TRAK1: variants seen among roughly 807,000 people sequenced by gnomAD.
TRAK1 encodes the protein trafficking kinesin-binding protein 1.
Under a neutral mutation model 92.1 loss-of-function variants are expected in TRAK1, and 33 were observed. The ratio of observed to expected loss-of-function variants is 0.36; its 90% CI spans 0.27 to 0.48. The LOEUF (loss-of-function observed/expected upper bound fraction) is 0.48, where lower values mean the gene tolerates loss of function less well. TRAK1 is among the 20% of genes least tolerant of loss of function. The pLI, the probability that TRAK1 is intolerant of heterozygous loss-of-function variation, is 0.99. For synonymous variants in TRAK1, 521 were observed against 517.3 expected, an observed-to-expected ratio of 1.01 and a Z score of -0.10; for missense variants, 1,123 against 1,257.9, an observed-to-expected ratio of 0.89 and a Z score of 1.62.
chr3:42,205,388 A>G (rs73831719), intron 13 of TRAK1, among the ~76,000 whole-genome samples: 9,644 of 152,196 alleles, frequency 0.063, 318 homozygotes, highest in Non-Finnish European at 0.079. Context: ...CAGATAGCCA[A>G]TCAGTGTTTT....
At position 42,202,569 on chromosome 3, in the gene TRAK1, G is replaced by C. The variant is rs758391101; in HGVS notation, c.1561G>C (p.Glu521Gln). The change falls in exon 13 of 16, where the codon GAG (glutamate) becomes CAG (glutamine). Residue 521 changes from glutamate (E) to glutamine (Q), a missense_variant. Physicochemically the swap from Glu to Gln is conservative, Grantham distance 29. Transcript: ENST00000327628. This position sits in a 1 kb window ranked among gnomAD's most constrained non-coding sequence, Gnocchi z 6.1. ...GAGGAGGTTCTTTGAGGAGGAGCAA[G>C]AGAGGAAGCTCCAGGAGCTGGCGGA... ...SERRFFEEEQ[E>Q]RKLQELAEKG... The C allele has an allele frequency of 1.3e-6, 2 of 1,587,092 alleles. No homozygotes were observed. Among genetic ancestry groups the C allele is most frequent in the South Asian group, 1.1e-5 (1 of 88,858 alleles).
At position 42,174,737 on chromosome 3, in the gene TRAK1, T is replaced by A. The variant is rs923672269; in HGVS notation, c.287-2077T>A. ...ATAAAATTTTATATATATACAAAAA[T>A]TTTTTTTTTAGTGGAGACAGGGTTT... On this transcript the variant is annotated intron_variant, in intron 2 of 15. Coordinates refer to ENST00000327628, the MANE Select transcript of TRAK1 (RefSeq NM_001042646.3). 6.9e-5 allele frequency among the ~76,000 whole-genome samples: 10 copies of A among 145,502 alleles called. No individual in the cohort carries two copies. In the East Asian group the frequency reaches 1.6e-3, roughly 23 times the overall value.
At chr3:42,077,707 G>A (rs933020479) in intron 1 of TRAK1, among the ~76,000 whole-genome samples, 2 of 152,100 alleles carry the variant, frequency 1.3e-5, no homozygotes, top group Non-Finnish European at 2.9e-5. Flanking sequence ...TCTTTTTGTG[G>A]CTATTGTGAA....
Position 42,211,369 on chromosome 3 carries a change from A to AT in TRAK1, c.1963+1392dup, listed in dbSNP as rs1051800607. The AT allele has an allele frequency of 2.7e-5, 27 of 985,042 alleles. No individual in the cohort carries two copies. In the East Asian group the frequency reaches 3.4e-4, roughly 12 times the overall value. 61.0% of individuals were successfully genotyped at this position (985,042 alleles called of 1,614,324 possible). A position where few individuals can be genotyped will look rare whatever the true frequency, so the allele number is the denominator to read the frequency against. ...AGCACATAGGTTTATTTATGGTTTG[A>AT]TTTTTTTTAGGCAGTTATATTACTA... On this transcript the variant is annotated intron_variant, in intron 14 of 15. Transcript: ENST00000327628.
intron 3 of TRAK1, among the ~76,000 whole-genome samples, chr3:42,178,670 C>G (rs1703551405): frequency 6.6e-6 from 1 of 152,038 alleles, no homozygotes; most frequent in South Asian, 2.1e-4. Context: ...ATATTAAACT[C>G]TGAGGCTCAA....
At position 42,223,971 on chromosome 3, in the gene TRAK1, G is replaced by T. The variant is rs969595925; in HGVS notation, c.*234G>T. ...CCTGCTCTTTCTTCCGATCCCACAG[G>T]AAGTGCCCCTGCACTGTCATCACTC... On this transcript the variant is annotated 3_prime_UTR_variant, in exon 16 of 16. Coordinates refer to ENST00000327628, the MANE Select transcript of TRAK1 (RefSeq NM_001042646.3). This position sits in a 1 kb window ranked among gnomAD's most constrained non-coding sequence, Gnocchi z 6.1. 15 of 642,760 alleles carry T rather than the reference G, an allele frequency of 2.3e-5. No homozygotes were observed. The highest frequency in any genetic ancestry group is 3.6e-5 in the Non-Finnish European group (13 of 356,180). 39.8% of individuals were successfully genotyped at this position (642,760 alleles called of 1,614,324 possible). A position where few individuals can be genotyped will look rare whatever the true frequency, so the allele number is the denominator to read the frequency against.
chr3:42,117,157 C>T (rs1457317374), intron 1 of TRAK1, among the ~76,000 whole-genome samples: 3 of 152,100 alleles, frequency 2.0e-5, no homozygotes, highest in Admixed American at 2.0e-4. Context: ...TTGCTCTCAC[C>T]GCTCAGAGAA....
chr3:42,071,338 G>A (rs1323879950), intron 1 of TRAK1, among the ~76,000 whole-genome samples: 3 of 152,084 alleles, frequency 2.0e-5, no homozygotes, highest in East Asian at 1.9e-4. Context: ...CGCTGTTTTT[G>A]GGTGGATAAG....
Position 42,193,913 on chromosome 3 carries a change from C to CTCAT in TRAK1, c.975+18_975+21dup, listed in dbSNP as rs1559909631. 1 of 1,612,096 alleles carries CTCAT rather than the reference C, an allele frequency of 6.2e-7. No homozygotes were observed. On this transcript the variant is annotated intron_variant, in intron 9 of 15. Coordinates refer to ENST00000327628, the MANE Select transcript of TRAK1 (RefSeq NM_001042646.3). Reference sequence around the variant, plus strand: ...TCACAGCCGAGGTGAGCACCTCTCCCTCATTCCTTCAGTGCCTCTGATTGC... The same window carrying CTCAT: ...TCACAGCCGAGGTGAGCACCTCTCCCTCATTCATTCCTTCAGTGCCTCTGATTGC...
Position 42,202,849 on chromosome 3 carries a change from A to G in TRAK1, c.1744+97A>G. 2.0e-6 allele frequency: 3 copies of G among 1,535,166 alleles called. No homozygotes were observed. The highest frequency in any genetic ancestry group is 2.6e-6 in the Non-Finnish European group (3 of 1,138,460). ...AAGGCGGGGCACCTCTGTCACGCCT[A>G]CTCCTTTTTCTTCCGCGACAGCCAC... On this transcript the variant is annotated intron_variant, in intron 13 of 15. Coordinates refer to ENST00000327628, the MANE Select transcript of TRAK1 (RefSeq NM_001042646.3). This position sits in a 1 kb window ranked among gnomAD's most constrained non-coding sequence, Gnocchi z 6.1.
At chr3:42,191,895 A>ATTTTTTTTTTTTTTTTTT (rs68023368) in intron 7 of TRAK1, among the ~76,000 whole-genome samples, 4 of 72,764 alleles carry the variant, frequency 5.5e-5, no homozygotes, top group African/African-American at 1.7e-4. Context: ...GAATATTGGA[A>ATTTTTTTTTTTTTTTTTT]TTTTTTTTTT....
chr3:42,033,235 A>G (rs1702214738), intron 1 of TRAK1, among the ~76,000 whole-genome samples: 1 of 152,114 alleles, frequency 6.6e-6, no homozygotes, highest in African/African-American at 2.4e-5. Context: ...GTGAGGCGCA[A>G]TTAGAGAGCT....
intron 1 of TRAK1, among the ~76,000 whole-genome samples, chr3:42,061,712 C>T (rs999014947): frequency 1.3e-5 from 2 of 152,156 alleles, no homozygotes; most frequent in Non-Finnish European, 2.9e-5. Flanking sequence ...TAAGTCATCT[C>T]ACTTCTTTCC....
chr3:42,134,691 A>T (rs1489859691), intron 2 of TRAK1, among the ~76,000 whole-genome samples: 1 of 144,322 alleles, frequency 6.9e-6, no homozygotes, highest in African/African-American at 2.6e-5. Flanking sequence ...GGTTCACGCC[A>T]TTCACCTGCC....
At chr3:42,162,382 A>G (rs568094989) in intron 2 of TRAK1, among the ~76,000 whole-genome samples, 1 of 152,112 alleles carries the variant, frequency 6.6e-6, no homozygotes, top group African/African-American at 2.4e-5. Context: ...GTGAAATAAC[A>G]GGCACTAGAA....
At chr3:42,124,231 T>C (rs1710274604) in intron 1 of TRAK1, among the ~76,000 whole-genome samples, 1 of 152,186 alleles carries the variant, frequency 6.6e-6, no homozygotes. Context: ...AATACCAAGT[T>C]AACTCTCCTC....
In TRAK1 at chr3:42,200,995, C is replaced by T. The variant is rs964683253; in HGVS notation, c.1368C>T (p.Asn456=). Residue 456 remains asparagine, a synonymous_variant, in exon 12 of 16, where the codon AAC becomes AAT. Transcript: ENST00000327628. ...RSSFYGSDIG[N]VVLDNKTNSI... is the part of the protein sequence containing the mutation. ...GCTTCTACGGCAGCGACATAGGCAA[C>T]GTCGTCCTCGACAACAAGACCAACA... The T allele has an allele frequency of 7.4e-6, 12 of 1,614,086 alleles. No individual in the cohort carries two copies. The Admixed American group carries it at 8.3e-5, about 11-fold the overall frequency.
At chr3:42,115,869 C>A (rs1388553195) in intron 1 of TRAK1, among the ~76,000 whole-genome samples, 1 of 152,164 alleles carries the variant, frequency 6.6e-6, no homozygotes, top group African/African-American at 2.4e-5. Context: ...GTCTTGCTTC[C>A]ATTTCTGCCA....
intron 2 of TRAK1, among the ~76,000 whole-genome samples, chr3:42,156,704 G>T (rs1180099738): frequency 6.6e-6 from 1 of 152,106 alleles, no homozygotes; most frequent in Admixed American, 6.6e-5. Context: ...ACTAAGACAA[G>T]ACTTATTAAA....
Sources: gnomAD v4.1 joint callset for allele counts (sites outside exome capture counted in the v4.1 genomes callset) on GRCh38, gnomAD v4.1.1 for gene constraint, Gnocchi (gnomAD v3.1) non-coding constraint, MANE v1.5 for transcripts, NCBI Gene and HGNC (gene_info 2026-07-23, HGNC 2026-07-21) for gene names.